Variants in TRIM66 observed in about 807,000 individuals in gnomAD.
The protein encoded by TRIM66 is tripartite motif-containing protein 66.
In TRIM66, 99 loss-of-function variants were observed where a neutral mutation model predicts 148.2. That is an observed-to-expected ratio of 0.67 (90% CI 0.57 to 0.79). TRIM66 has a LOEUF of 0.79. Ranked by LOEUF, TRIM66 falls within the 30% of genes least tolerant of loss-of-function variation. The probability of loss-of-function intolerance (pLI) is 0.00; values close to 1 mark genes in which losing one functional copy is unlikely to be tolerated. For synonymous variants in TRIM66, 616 were observed against 635.9 expected (o/e 0.97, Z 0.47); for missense variants, 1,666 against 1,697.9 (o/e 0.98, Z 0.33).
intron 15 of TRIM66, among the ~76,000 whole-genome samples, chr11:8,636,417 C>A (rs917262373): frequency 6.6e-6 from 1 of 152,230 alleles, no homozygotes; most frequent in Non-Finnish European, 1.5e-5. Context: ...CTACTGACAT[C>A]TAGAGCTAGC....
chr11:8,640,092 T>G, intron 14 of TRIM66, 135 bp downstream of exon 14: 1 of 882,762 alleles, frequency 1.1e-6, no homozygotes. Context: ...AGTTTTGAAA[T>G]GTGAGGGCTG....
intron 24 of TRIM66, 110 bp from the exon 25 acceptor site, chr11:8,618,113 C>T (rs2033847424): frequency 2.8e-6 from 3 of 1,058,792 alleles, no homozygotes; most frequent in African/African-American, 1.6e-5. Flanking sequence ...TTTTATTCTA[C>T]CCTAGGAATG....
intron 6 of TRIM66, among the ~76,000 whole-genome samples, chr11:8,667,281 A>T (rs930317988): frequency 6.6e-6 from 1 of 152,190 alleles, no homozygotes; most frequent in Non-Finnish European, 1.5e-5. Flanking sequence ...TATTTATGAC[A>T]TTGGATTTGG....
intron 6 of TRIM66, among the ~76,000 whole-genome samples, chr11:8,655,242 G>C (rs1185444384): frequency 1.3e-5 from 2 of 152,174 alleles, no homozygotes; most frequent in African/African-American, 4.8e-5. Flanking sequence ...AAGCCACCTG[G>C]AAGTTTTCTG....
intron 6 of TRIM66, chr11:8,654,686 G>A (rs1415751167): frequency 1.3e-5 from 2 of 152,142 alleles, no homozygotes; most frequent in African/African-American, 4.8e-5. Flanking sequence ...GTAGGTTCTT[G>A]GAAACGGCAA....
At position 8,640,567 on chromosome 11, in the gene TRIM66, GGTAGCTGCTGCT is replaced by G; in HGVS notation, c.1796_1807del (p.Gln599_Leu602del). 1 of 1,548,744 alleles carries G rather than the reference GGTAGCTGCTGCT, an allele frequency of 6.5e-7. No homozygotes were observed. Among genetic ancestry groups the G allele is most frequent in the Non-Finnish European group, 8.7e-7 (1 of 1,145,698 alleles). ...ATGGGGGAGGGGTGGTGGTGGAGGT[GGTAGCTGCTGCT>G]GTGGCTGCTGCTGAAAGTGACTGAG... is the stretch of plus-strand genomic sequence containing the variant. On this transcript the variant is annotated inframe_deletion, in exon 14 of 25. Transcript: ENST00000646038.
chr11:8,681,009 T>C (rs985809251), intron 1 of TRIM66: 1 of 152,232 alleles, frequency 6.6e-6, no homozygotes, highest in Non-Finnish European at 1.5e-5. Flanking sequence ...GCAATTTCAC[T>C]GAAGTCACAG....
intron 21 of TRIM66, 30 bp downstream of exon 21, chr11:8,620,416 G>A: frequency 6.4e-7 from 1 of 1,550,880 alleles, no homozygotes; most frequent in Non-Finnish European, 8.7e-7. Context: ...CCAAAGGCAG[G>A]GAACCTTGTT....
upstream of TRIM66, chr11:8,682,890 C>T (rs1592233794): frequency 5.3e-6 from 8 of 1,520,746 alleles, no homozygotes; most frequent in East Asian, 6.9e-5. Flanking sequence ...TGCCCCTAGT[C>T]ATCCACTCCC....
At chr11:8,623,745 A>C (rs1018552930) in intron 17 of TRIM66, among the ~76,000 whole-genome samples, 8 of 152,198 alleles carry the variant, frequency 5.3e-5, no homozygotes, top group African/African-American at 1.9e-4. Context: ...GGAAGCTGAG[A>C]AGCGAATCAG....
chr11:8,633,953 CTTAATAAT>C (rs1250636782), intron 15 of TRIM66, among the ~76,000 whole-genome samples: 2 of 152,150 alleles, frequency 1.3e-5, no homozygotes, highest in Non-Finnish European at 1.5e-5. Flanking sequence ...CTGTATCACT[CTTAATAAT>C]CTGCATCACA....
intron 6 of TRIM66, among the ~76,000 whole-genome samples, chr11:8,655,808 A>G (rs1391269990): frequency 2.0e-5 from 3 of 152,024 alleles, no homozygotes; most frequent in African/African-American, 7.3e-5. Flanking sequence ...AAAAATAAAA[A>G]ATTAAAAAAA....
Position 8,621,787 on chromosome 11 carries a change from A to G in TRIM66, c.3113T>C (p.Val1038Ala). 1 of 1,550,316 alleles carries G rather than the reference A, an allele frequency of 6.5e-7. No individual in the cohort carries two copies. Among genetic ancestry groups the G allele is most frequent in the Non-Finnish European group, 8.7e-7 (1 of 1,146,538 alleles). The change falls in exon 19 of 25, where the codon GTG becomes GCG. Residue 1038 changes from valine to alanine, a missense_variant. Physicochemically the swap from Val to Ala is moderately conservative, Grantham distance 64. Transcript: ENST00000646038. ...AFNSEHKIPYVRLERLKICAA... is the reference protein window; with the variant it reads ...AFNSEHKIPYARLERLKICAA... ...ACAGATCTTGAGTCGCTCCAGTCGC[A>G]CATAGGGAATCTTATGCTCACTATT... is the stretch of plus-strand genomic sequence containing the variant.
In TRIM66 at chr11:8,648,388, C is replaced by G. The variant is rs1247482323; in HGVS notation, c.725+28G>C. On this transcript the variant is annotated intron_variant, in intron 9 of 24. Coordinates refer to ENST00000646038, the MANE Select transcript of TRIM66 (RefSeq NM_001388022.1). ...GTAAGAAATCCAGAGCCCTCCCCAG[C>G]CCATTTCAGGCAGTCTGTCAGCCCC... 1.9e-6 allele frequency: 3 copies of G among 1,549,644 alleles called. No individual in the cohort carries two copies. The East Asian group carries it at 7.3e-5, about 38-fold the overall frequency.
At chr11:8,679,585 G>A (rs988193476) in intron 3 of TRIM66, 35 bp downstream of exon 3, 1 of 152,708 alleles carries the variant, frequency 6.5e-6, no homozygotes, top group African/African-American at 2.4e-5. Context: ...ACCACTGATG[G>A]TTCCCTTTCA....
intron 6 of TRIM66, among the ~76,000 whole-genome samples, chr11:8,665,695 T>C (rs1324794509): frequency 6.6e-6 from 1 of 152,188 alleles, no homozygotes; most frequent in African/African-American, 2.4e-5. Context: ...CGGTGGCTCA[T>C]GCCTGTAATC....
rs1294501175 is a variant in TRIM66 at position 8,617,659 on chromosome 11, G to A, written c.*285C>T. 5.0e-6 allele frequency: 2 copies of A among 397,940 alleles called. No homozygotes were observed. The highest frequency in any genetic ancestry group is 8.9e-6 in the Non-Finnish European group (2 of 224,260). 24.7% of individuals were successfully genotyped at this position (397,940 alleles called of 1,614,324 possible). The stretch of plus-strand genomic sequence containing the variant: ...TTCACCAAGGAAAGTAGGTTTTCCC[G>A]AGCCTAACCAGGTGTGGTCTTGTCA... On this transcript the variant is annotated 3_prime_UTR_variant, in exon 25 of 25. Transcript: ENST00000646038.
intron 3 of TRIM66, among the ~76,000 whole-genome samples, chr11:8,677,781 T>C (rs1035699855): frequency 1.3e-5 from 2 of 152,232 alleles, no homozygotes; most frequent in Admixed American, 6.5e-5. Context: ...TCACGTTTTG[T>C]TACTCTGAGT....
intron 1 of TRIM66, among the ~76,000 whole-genome samples, chr11:8,681,379 C>T (rs533905285): frequency 6.6e-6 from 1 of 151,982 alleles, no homozygotes; most frequent in Admixed American, 6.6e-5. Context: ...GTGATCCGCC[C>T]GCCTCGGCCT....
Sources: allele counts gnomAD v4.1 joint callset (sites outside exome capture counted in the v4.1 genomes callset), GRCh38; gene constraint gnomAD v4.1.1; transcripts MANE v1.5; gene names NCBI Gene and HGNC (gene_info 2026-07-23, HGNC 2026-07-21).